CPD: variants seen among roughly 807,000 people sequenced by gnomAD.
CPD encodes carboxypeptidase D.
A neutral mutation model predicts 138.3 loss-of-function variants in CPD; 69 were observed. The observed-to-expected ratio is 0.50, with a 90% CI of 0.41 to 0.61. The LOEUF (loss-of-function observed/expected upper bound fraction) is 0.61, where lower values mean the gene tolerates loss of function less well. Among genes scored for constraint, CPD ranks in the 20% least tolerant of loss-of-function variants. CPD has a pLI of 0.00. For missense variants in CPD, 1,432 were observed against 1,733.3 expected (o/e 0.83, Z 3.09); for synonymous variants, 651 against 642.1 (o/e 1.01, Z -0.21).
At chr17:30,405,562 C>A (rs1002666447) in intron 2 of CPD, among the ~76,000 whole-genome samples, 1 of 151,990 alleles carries the variant, frequency 6.6e-6, no homozygotes, top group Non-Finnish European at 1.5e-5. Flanking sequence ...AATTTTTTCC[C>A]CCATTGGTTT....
intron 6 of CPD, among the ~76,000 whole-genome samples, chr17:30,424,517 G>A (rs1052201684): frequency 6.6e-6 from 1 of 152,176 alleles, no homozygotes; most frequent in Non-Finnish European, 1.5e-5. Context: ...ATTGAGCGGG[G>A]CCTTAGAATT....
Position 30,379,121 on chromosome 17 carries a change from C to G in CPD, c.141C>G (p.Gly47=). Residue 47 remains glycine, a synonymous_variant, in exon 1 of 21, where the codon GGC becomes GGG. Transcript: ENST00000225719. The surrounding 1 kb of genome is among the most constrained non-coding windows in gnomAD (Gnocchi z 7.0). The part of the protein sequence containing the change: ...AEATTTTTSA[G]AEAAEGQFDR... ...CGACTACCACAACTACGAGCGCGGG[C>G]GCCGAGGCGGCCGAGGGCCAGTTCG... The G allele has an allele frequency of 6.5e-7, 1 of 1,541,456 alleles. No individual in the cohort carries two copies. The highest frequency in any genetic ancestry group is 8.7e-7 in the Non-Finnish European group (1 of 1,148,084).
intron 2 of CPD, among the ~76,000 whole-genome samples, chr17:30,398,104 A>C (rs1448260126): frequency 6.6e-6 from 1 of 151,992 alleles, no homozygotes; most frequent in Non-Finnish European, 1.5e-5. Flanking sequence ...GTGAATACCA[A>C]CTTAAAAATT....
At chr17:30,429,208 A>G (rs1912501008) in intron 7 of CPD, among the ~76,000 whole-genome samples, 1 of 152,126 alleles carries the variant, frequency 6.6e-6, no homozygotes, top group Non-Finnish European at 1.5e-5. Flanking sequence ...CTTTTATTAT[A>G]TTTTATGTGT....
At chr17:30,408,954 G>A (rs561593634) in intron 2 of CPD, among the ~76,000 whole-genome samples, 22 of 151,932 alleles carry the variant, frequency 1.4e-4, no homozygotes, top group African/African-American at 5.1e-4. Context: ...GTTTTCAAAG[G>A]GAATGCTTGC....
intron 2 of CPD, among the ~76,000 whole-genome samples, chr17:30,394,443 T>C (rs1911445275): frequency 6.6e-6 from 1 of 152,234 alleles, no homozygotes; most frequent in African/African-American, 2.4e-5. Flanking sequence ...CGAGAGCTTT[T>C]TGTTTATACA....
At chr17:30,456,036 G>A in intron 15 of CPD, 1 of 522,398 alleles carries the variant, frequency 1.9e-6, no homozygotes, top group South Asian at 2.3e-5. Flanking sequence ...ATAGTCTGTT[G>A]TGAAAACTCA....
At chr17:30,452,838 A>C (rs1162416730) in intron 14 of CPD, among the ~76,000 whole-genome samples, 5 of 151,946 alleles carry the variant, frequency 3.3e-5, no homozygotes, top group African/African-American at 1.2e-4. Flanking sequence ...ATGGCTGGGG[A>C]GGTTTCACAA....
chr17:30,435,782 A>G (rs1257079466), intron 8 of CPD, among the ~76,000 whole-genome samples: 7 of 152,214 alleles, frequency 4.6e-5, no homozygotes, highest in Non-Finnish European at 1.0e-4. Context: ...GGAGGCCAGA[A>G]GTCCAAAATC....
At chr17:30,429,663 C>T (rs748957401) in intron 7 of CPD, among the ~76,000 whole-genome samples, 4 of 152,064 alleles carry the variant, frequency 2.6e-5, no homozygotes, top group African/African-American at 4.8e-5. Flanking sequence ...ATAGGAAAGA[C>T]GTGAAACCCT....
chr17:30,456,296 T>G lies in CPD; in HGVS notation c.3378T>G (p.Tyr1126Ter). 1.2e-6 allele frequency: 2 copies of G among 1,614,248 alleles called. No homozygotes were observed. ...CTCTGAAGCATTTGGCATCTCTTTATGCAAATAATCATCCATCCATGCACA... is the reference window on the plus strand; with the variant it reads ...CTCTGAAGCATTTGGCATCTCTTTAGGCAAATAATCATCCATCCATGCACA... Reference protein sequence around the residue: ...KETLKHLASLYANNHPSMHMG... With the variant: ...KETLKHLASL The change falls in exon 16 of 21, where the codon TAT (tyrosine) becomes TAG (stop). Residue 1126 changes from tyrosine to a stop codon, truncating the protein, a stop_gained. Coordinates refer to ENST00000225719, the MANE Select transcript of CPD (RefSeq NM_001304.5). LOFTEE classifies it high-confidence loss of function.
chr17:30,448,368 A>G (rs1043802443), intron 12 of CPD, among the ~76,000 whole-genome samples: 2 of 152,180 alleles, frequency 1.3e-5, no homozygotes, highest in Non-Finnish European at 2.9e-5. Flanking sequence ...CTCTAAAACA[A>G]ACAAAAATTG....
intron 4 of CPD, 67 bp downstream of exon 4, chr17:30,421,900 A>G (rs752200535): frequency 1.4e-5 from 17 of 1,213,144 alleles, no homozygotes; most frequent in Non-Finnish European, 2.0e-5. Context: ...CTGAGACAGA[A>G]ATATAGTCTA....
intron 2 of CPD, among the ~76,000 whole-genome samples, chr17:30,417,653 T>C (rs1234925194): frequency 6.6e-6 from 1 of 152,150 alleles, no homozygotes; most frequent in Non-Finnish European, 1.5e-5. Context: ...TTCCCTTCTC[T>C]TCCACAGAGT....
At chr17:30,404,785 A>C (rs1911764179) in intron 2 of CPD, among the ~76,000 whole-genome samples, 1 of 151,994 alleles carries the variant, frequency 6.6e-6, no homozygotes, top group Admixed American at 6.6e-5. Flanking sequence ...CTTTTTGGCC[A>C]ACAGATATTT....
At chr17:30,442,183 C>G in intron 9 of CPD, 125 bp from the exon 10 acceptor site, 1 of 766,816 alleles carries the variant, frequency 1.3e-6, no homozygotes, top group Non-Finnish European at 2.1e-6. Context: ...CTCACATGAA[C>G]ACGTTAGCTT....
At chr17:30,454,892 T>G (rs964501104) in intron 14 of CPD, 1 of 154,930 alleles carries the variant, frequency 6.5e-6, no homozygotes, top group Non-Finnish European at 1.4e-5. Context: ...ATCACAAGAA[T>G]AGCATGGCAA....
At position 30,469,061 on chromosome 17, in the gene CPD, T is replaced by G. The variant is rs2143528992; in HGVS notation, c.*4247T>G. On this transcript the variant is annotated 3_prime_UTR_variant, in exon 21 of 21. Transcript: ENST00000225719. ...GGTGAGGCCCAGTTAGAATAATGTG[T>G]CCCGGCACTTTTAGGCACAGCAAGG... 1 of 152,276 alleles carries G rather than the reference T, an allele frequency of 6.6e-6. No individual in the cohort carries two copies. The highest frequency in any genetic ancestry group is 1.5e-5 in the Non-Finnish European group (1 of 67,986). The allele number at this position is 152,276 out of a possible 1,614,324, so 9.4% of individuals were successfully genotyped here. A position where few individuals can be genotyped will look rare whatever the true frequency, so the allele number is the denominator to read the frequency against.
Position 30,461,983 on chromosome 17 carries a change from G to T in CPD, c.3737G>T (p.Gly1246Val). Residue 1246 changes from glycine to valine, a missense_variant, in exon 19 of 21, where the codon GGT becomes GTT. Transcript: ENST00000225719. ...EGIKVQTKEG[G>V]YFHVLLAPGV... ...ATAAAGGTACAAACAAAAGAGGGAG[G>T]TTATTTCCATGTACTCTTAGCGCCA... 6.2e-7 allele frequency: 1 copy of T among 1,613,804 alleles called. No individual in the cohort carries two copies. Among genetic ancestry groups the T allele is most frequent in the Non-Finnish European group, 8.5e-7 (1 of 1,179,798 alleles).
Sources: allele counts gnomAD v4.1 joint callset (sites outside exome capture counted in the v4.1 genomes callset), GRCh38; gene constraint gnomAD v4.1.1; non-coding constraint Gnocchi (gnomAD v3.1); transcripts MANE v1.5; gene names NCBI Gene and HGNC (gene_info 2026-07-23, HGNC 2026-07-21).